Variants in HAAO observed in about 807,000 individuals in gnomAD.
HAAO encodes 3-hydroxyanthranilate oxygenase.
In HAAO, 49 loss-of-function variants were observed where a neutral mutation model predicts 46.2. The observed-to-expected ratio is 1.06, with a 90% CI of 0.84 to 1.34. The LOEUF (loss-of-function observed/expected upper bound fraction) is 1.34. HAAO is among the 40% of genes most tolerant of loss of function. The pLI is 0.00. For missense variants in HAAO, 408 were observed against 364.5 expected, an observed-to-expected ratio of 1.12 and a Z score of -0.97; for synonymous variants, 157 against 145.2, an observed-to-expected ratio of 1.08 and a Z score of -0.58.
intron 3 of HAAO, 92 bp downstream of exon 3, chr2:42,783,692 C>T: frequency 9.0e-7 from 1 of 1,114,132 alleles, no homozygotes; most frequent in Non-Finnish European, 1.3e-6. Flanking sequence ...GTAGGGAGGA[C>T]AAGACCTCAG....
intron 4 of HAAO, among the ~76,000 whole-genome samples, chr2:42,778,975 T>C (rs1270613751): frequency 6.6e-6 from 1 of 152,022 alleles, no homozygotes; most frequent in African/African-American, 2.4e-5. Flanking sequence ...TAGCCAGGCA[T>C]GGTGGCACAT....
At chr2:42,786,009 C>CTG (rs10606385) in intron 2 of HAAO, among the ~76,000 whole-genome samples, 5,985 of 105,870 alleles carry the variant, frequency 0.057, 241 homozygotes, top group African/African-American at 0.081. Context: ...GAGGAAGCCT[C>CTG]TGTGTGTGTG....
intron 1 of HAAO, among the ~76,000 whole-genome samples, chr2:42,790,095 A>T (rs1464476090): frequency 6.6e-6 from 1 of 152,104 alleles, no homozygotes; most frequent in East Asian, 1.9e-4. Flanking sequence ...TGAGCCCCCA[A>T]ACTAGACTGG....
At chr2:42,783,946 G>C in intron 2 of HAAO, 79 bp from the exon 3 acceptor site, 10 of 1,547,644 alleles carry the variant, frequency 6.5e-6, no homozygotes, top group Non-Finnish European at 8.7e-6. Flanking sequence ...CCTGAATTCT[G>C]ACCGGGAAAC....
chr2:42,783,454 T>A, intron 3 of HAAO, 34 bp from the exon 4 acceptor site: 1 of 1,357,366 alleles, frequency 7.4e-7, no homozygotes, highest in Non-Finnish European at 1.0e-6. Context: ...ACAGTGAGGC[T>A]GCAATCCCTC....
intron 3 of HAAO, 35 bp downstream of exon 3, chr2:42,783,749 T>C (rs968164544): frequency 6.3e-7 from 1 of 1,579,198 alleles, no homozygotes; most frequent in African/African-American, 1.3e-5. Flanking sequence ...TGTGGCCGCC[T>C]TTCTCTTCCC....
chr2:42,773,185 T>A (rs1452370214), intron 4 of HAAO, among the ~76,000 whole-genome samples: 1 of 152,256 alleles, frequency 6.6e-6, no homozygotes, highest in African/African-American at 2.4e-5. Flanking sequence ...ATGCCAGATC[T>A]AGCAAGTAAC....
chr2:42,775,426 C>G (rs1266482210), intron 4 of HAAO, among the ~76,000 whole-genome samples: 1 of 152,022 alleles, frequency 6.6e-6, no homozygotes, highest in Non-Finnish European at 1.5e-5. Context: ...TCTGAAACAG[C>G]AGCATTTTTT....
intron 4 of HAAO, among the ~76,000 whole-genome samples, chr2:42,776,291 A>G (rs1265373214): frequency 7.3e-6 from 1 of 136,674 alleles, no homozygotes; most frequent in Admixed American, 8.2e-5. Context: ...CCAGGCTGGA[A>G]TGCAATGGTA....
intron 1 of HAAO, among the ~76,000 whole-genome samples, chr2:42,790,325 AAGCTGCAT>A (rs1474543390): frequency 6.6e-6 from 1 of 151,962 alleles, no homozygotes; most frequent in African/African-American, 2.4e-5. Flanking sequence ...AAAGAACTTA[AAGCTGCAT>A]AGAGCTTCAA....
At chr2:42,780,549 T>C (rs1248291762) in intron 4 of HAAO, among the ~76,000 whole-genome samples, 1 of 151,856 alleles carries the variant, frequency 6.6e-6, no homozygotes, top group Non-Finnish European at 1.5e-5. Context: ...ACTTTGGAGA[T>C]TGTGACATTA....
chr2:42,788,493 C>T (rs370022307), intron 2 of HAAO, 36 bp downstream of exon 2: 63 of 1,373,152 alleles, frequency 4.6e-5, no homozygotes, highest in African/African-American at 3.4e-4. Flanking sequence ...GCTCCTTGCC[C>T]GCAGGCCTAG....
At chr2:42,777,532 G>C (rs1357686495) in intron 4 of HAAO, among the ~76,000 whole-genome samples, 1 of 152,068 alleles carries the variant, frequency 6.6e-6, no homozygotes, top group Non-Finnish European at 1.5e-5. Context: ...AACAAGGAGA[G>C]CTTGGAGGTT....
At chr2:42,785,655 A>G (rs1672326863) in intron 2 of HAAO, among the ~76,000 whole-genome samples, 1 of 152,122 alleles carries the variant, frequency 6.6e-6, no homozygotes, top group Non-Finnish European at 1.5e-5. Flanking sequence ...TGAGGCCAGG[A>G]GTGGAGACCA....
intron 2 of HAAO, 91 bp from the exon 3 acceptor site, chr2:42,783,958 T>A: frequency 6.5e-7 from 1 of 1,538,760 alleles, no homozygotes; most frequent in Non-Finnish European, 8.8e-7. Flanking sequence ...CCGGGAAACC[T>A]GAGAAACTTT....
rs1670722529 is a variant in HAAO, at chr2:42,767,137, C to T, written c.*300G>A. On this transcript the variant is annotated 3_prime_UTR_variant, in exon 10 of 10. Coordinates refer to ENST00000294973, the MANE Select transcript of HAAO (RefSeq NM_012205.3). ...TGAGGGCCTTCTTGGTGTGGAAGTG[C>T]TGCACTGAGTCTGCAGGGACAGAGG... 1 of 520,446 alleles carries T rather than the reference C, an allele frequency of 1.9e-6. No homozygotes were observed. The highest frequency in any genetic ancestry group is 3.5e-6 in the Non-Finnish European group (1 of 285,098). The allele number at this position is 520,446 out of a possible 1,614,324, so 32.2% of individuals were successfully genotyped here.
At chr2:42,774,091 A>G (rs1315510450) in intron 4 of HAAO, among the ~76,000 whole-genome samples, 7 of 152,130 alleles carry the variant, frequency 4.6e-5, no homozygotes, top group Admixed American at 1.3e-4. Flanking sequence ...GACTGAACCA[A>G]TGTTCATCTT....
chr2:42,769,962 C>T (rs1670979119), intron 6 of HAAO, 104 bp from the exon 7 acceptor site: 1 of 1,298,222 alleles, frequency 7.7e-7, no homozygotes, highest in African/African-American at 1.5e-5. Flanking sequence ...CCAGAACAGG[C>T]TCTGTATCCA....
At chr2:42,768,011 C>G in intron 7 of HAAO, 83 bp from the exon 8 acceptor site, 1 of 1,238,588 alleles carries the variant, frequency 8.1e-7, no homozygotes, top group Non-Finnish European at 1.2e-6. Context: ...AGACACCAGG[C>G]CTGCTTGGAG....
Sources: allele counts gnomAD v4.1 joint callset (sites outside exome capture counted in the v4.1 genomes callset), GRCh38; gene constraint gnomAD v4.1.1; transcripts MANE v1.5; gene names NCBI Gene and HGNC (gene_info 2026-07-23, HGNC 2026-07-21).